Variants in MACC1 observed in about 807,000 individuals in gnomAD.
The protein encoded by MACC1 is metastasis-associated in colon cancer protein 1.
A neutral mutation model predicts 70.7 loss-of-function variants in MACC1; 79 were observed. That is an observed-to-expected ratio of 1.12 (90% CI 0.93 to 1.35). The LOEUF is 1.35. Ranked by LOEUF, MACC1 falls within the 40% of genes most tolerant of loss-of-function variation. The pLI is 0.00. For missense variants in MACC1, 1,106 were observed against 978.1 expected, an observed-to-expected ratio of 1.13 and a Z score of -1.74; for synonymous variants, 361 against 347.2, an observed-to-expected ratio of 1.04 and a Z score of -0.44.
intron 1 of MACC1, among the ~76,000 whole-genome samples, chr7:20,189,425 C>T (rs986444986): frequency 6.6e-6 from 1 of 152,210 alleles, no homozygotes; most frequent in Non-Finnish European, 1.5e-5. Context: ...TGTGGAATGA[C>T]TGTTGCATAA....
At position 20,141,083 on chromosome 7, in the gene MACC1, G is replaced by A. The variant is rs779722908; in HGVS notation, c.2422C>T (p.Gln808Ter). The stretch of plus-strand genomic sequence containing the variant: ...CTGTCCAAAGCTGACTGAAGGTCTT[G>A]TAACACATCTCTGTAGTTATTTCCA... ...HYGNNYRDVLQDLQSALDRMK... is the reference protein window; with the variant it reads ...HYGNNYRDVL Residue 808 changes from glutamine to a stop codon, truncating the protein, a stop_gained, in exon 7 of 7, where the codon CAA (glutamine) becomes TAA (stop). Coordinates refer to ENST00000400331, the MANE Select transcript of MACC1 (RefSeq NM_182762.4). LOFTEE classifies it high-confidence loss of function. 3 of 1,613,538 alleles carry A rather than the reference G, an allele frequency of 1.9e-6. No homozygotes were observed. The highest frequency in any genetic ancestry group is 4.5e-5 in the East Asian group (2 of 44,904).
At chr7:20,212,271 G>A (rs1783010090) in intron 1 of MACC1, among the ~76,000 whole-genome samples, 1 of 152,118 alleles carries the variant, frequency 6.6e-6, no homozygotes, top group African/African-American at 2.4e-5. Context: ...TAAATTAGGT[G>A]TCTTCCCAGT....
intron 1 of MACC1, among the ~76,000 whole-genome samples, chr7:20,195,477 G>A (rs1471936929): frequency 2.0e-5 from 3 of 152,194 alleles, no homozygotes; most frequent in Non-Finnish European, 4.4e-5. Context: ...CAGTCTATAG[G>A]AGGAGCTGTT....
intron 6 of MACC1, among the ~76,000 whole-genome samples, chr7:20,143,176 A>C (rs994187160): frequency 6.6e-5 from 10 of 152,294 alleles, no homozygotes; most frequent in Non-Finnish European, 1.2e-4. Context: ...ATCTTGCGGC[A>C]GGACTGTGAA....
intron 1 of MACC1, among the ~76,000 whole-genome samples, chr7:20,190,021 G>T (rs187627827): frequency 1.1e-4 from 17 of 152,184 alleles, no homozygotes; most frequent in African/African-American, 3.6e-4. Context: ...CTTCTTAGAA[G>T]GGCACTAATC....
chr7:20,168,895 A>G (rs2128104093), intron 2 of MACC1, among the ~76,000 whole-genome samples: 1 of 152,300 alleles, frequency 6.6e-6, no homozygotes, highest in South Asian at 2.1e-4. Context: ...GACCCAAACA[A>G]TTCACTAAGT....
Position 20,141,117 on chromosome 7 carries a change from A to T in MACC1, c.2388T>A (p.Ser796Arg). Residue 796 changes from serine to arginine, a missense_variant, in exon 7 of 7, where the codon AGT (serine) becomes AGA (arginine). By Grantham distance (110) the Ser-to-Arg change is moderately radical. Transcript: ENST00000400331. The part of the protein sequence containing the change: ...KPAYDFLYTW[S>R]AHYGNNYRDV... ...CTCTGTAGTTATTTCCATAGTGAGCACTCCAGGTATACAGAAAATCATAGG... is the reference window on the plus strand; with the variant it reads ...CTCTGTAGTTATTTCCATAGTGAGCTCTCCAGGTATACAGAAAATCATAGG... The T allele has an allele frequency of 6.2e-7, 1 of 1,611,196 alleles. No homozygotes were observed. Among genetic ancestry groups the T allele is most frequent in the South Asian group, 1.1e-5 (1 of 90,614 alleles).
chr7:20,141,330 T>TGATA (rs1473027241), intron 6 of MACC1, among the ~76,000 whole-genome samples, 172 bp from the exon 7 acceptor site: 8 of 152,248 alleles, frequency 5.3e-5, no homozygotes, highest in Non-Finnish European at 1.2e-4. Flanking sequence ...ATCAGCTTCC[T>TGATA]GTTATATCCC....
intron 1 of MACC1, among the ~76,000 whole-genome samples, chr7:20,198,025 C>T (rs1038671774): frequency 2.2e-4 from 33 of 152,098 alleles, no homozygotes; most frequent in African/African-American, 7.5e-4. Flanking sequence ...TGGTGAAACC[C>T]TTAAACAGCA....
At chr7:20,213,172 A>G (rs1225733205) in intron 1 of MACC1, among the ~76,000 whole-genome samples, 1 of 152,250 alleles carries the variant, frequency 6.6e-6, no homozygotes, top group Non-Finnish European at 1.5e-5. Flanking sequence ...TCATATGAAA[A>G]AAAGCTCAAC....
chr7:20,142,672 T>C (rs555943563), intron 6 of MACC1, among the ~76,000 whole-genome samples: 35 of 152,324 alleles, frequency 2.3e-4, no homozygotes, highest in African/African-American at 7.5e-4. Context: ...AGTTGAGACA[T>C]AGTAATGGAA....
chr7:20,197,360 C>T (rs1433799185), intron 1 of MACC1, among the ~76,000 whole-genome samples: 1 of 152,154 alleles, frequency 6.6e-6, no homozygotes, highest in Non-Finnish European at 1.5e-5. Context: ...CCCTTGGAAT[C>T]TCTATTGGAT....
chr7:20,196,263 C>A (rs1248243226), intron 1 of MACC1, among the ~76,000 whole-genome samples: 1 of 152,142 alleles, frequency 6.6e-6, no homozygotes, highest in Non-Finnish European at 1.5e-5. Context: ...TCACTGCAAG[C>A]TCCGCCTCCT....
At position 20,137,009 on chromosome 7, in the gene MACC1, T is replaced by C. The variant is rs987042199; in HGVS notation, c.*3937A>G. ...TAATTCTTAAAGATTAAGATTATTATTGTGAATAAGAAGAAAAATGATCTA... is the reference window on the plus strand; with the variant it reads ...TAATTCTTAAAGATTAAGATTATTACTGTGAATAAGAAGAAAAATGATCTA... On this transcript the variant is annotated 3_prime_UTR_variant, in exon 7 of 7. Coordinates refer to ENST00000400331, the MANE Select transcript of MACC1 (RefSeq NM_182762.4). 8 of 150,568 alleles carry C rather than the reference T, an allele frequency of 5.3e-5. No homozygotes were observed. Among genetic ancestry groups the C allele is most frequent in the Non-Finnish European group, 1.0e-4 (7 of 67,628 alleles). The allele number at this position is 150,568 out of a possible 1,614,324, so 9.3% of individuals were successfully genotyped here.
intron 1 of MACC1, among the ~76,000 whole-genome samples, chr7:20,212,858 C>A (rs1783018442): frequency 6.6e-6 from 1 of 152,090 alleles, no homozygotes; most frequent in Non-Finnish European, 1.5e-5. Flanking sequence ...TCTGGGAGTT[C>A]TGGCCCAGGG....
chr7:20,157,650 CG>C lies in MACC1; in HGVS notation c.2157+553del, dbSNP rs1562584719. On this transcript the variant is annotated intron_variant, in intron 5 of 6. Transcript: ENST00000400331. ...AAAAAAAAAAAATACCCAGGCATGG[CG>C]GCACATGCCTGCAGTCTGAGTTACT... is the stretch of plus-strand genomic sequence containing the variant. Among the ~76,000 whole-genome samples the C allele has an allele frequency of 2.2e-4, 33 of 148,822 alleles. 1 individual carries two copies. Among genetic ancestry groups the C allele is most frequent in the African/African-American group, 7.7e-4 (31 of 40,446 alleles).
At chr7:20,179,226 G>T (rs1240987285) in intron 1 of MACC1, among the ~76,000 whole-genome samples, 2 of 136,954 alleles carry the variant, frequency 1.5e-5, no homozygotes, top group Admixed American at 7.5e-5. Flanking sequence ...TTTGAATAAG[G>T]TCTTGCTATC....
At chr7:20,216,590 A>T (rs1783074070) in intron 1 of MACC1, among the ~76,000 whole-genome samples, 1 of 152,132 alleles carries the variant, frequency 6.6e-6, no homozygotes, top group Admixed American at 6.6e-5. Flanking sequence ...AGGTAAGTTG[A>T]ATCATCCAGT....
chr7:20,140,834 C>G lies in MACC1; in HGVS notation c.*112G>C. 1 of 719,408 alleles carries G rather than the reference C, an allele frequency of 1.4e-6. No homozygotes were observed. The highest frequency in any genetic ancestry group is 2.3e-6 in the Non-Finnish European group (1 of 433,044). 44.6% of individuals were successfully genotyped at this position (719,408 alleles called of 1,614,324 possible). ...ACACACACACACACACAGACACACA[C>G]ACACAGACACACACACACAGACACA... is the stretch of plus-strand genomic sequence containing the variant. On this transcript the variant is annotated 3_prime_UTR_variant, in exon 7 of 7. Transcript: ENST00000400331.
Sources: allele counts gnomAD v4.1 joint callset (sites outside exome capture counted in the v4.1 genomes callset), GRCh38; gene constraint gnomAD v4.1.1; transcripts MANE v1.5; gene names NCBI Gene and HGNC (gene_info 2026-07-23, HGNC 2026-07-21).